Variants in PRR16 observed in about 807,000 individuals in gnomAD.
PRR16 encodes proline rich 16.
PRR16 carries 6 observed loss-of-function variants against 18.2 expected under a neutral mutation model. That is an observed-to-expected ratio of 0.33 (90% CI 0.18 to 0.65). The LOEUF is 0.65. PRR16 is among the 30% of genes least tolerant of loss of function. The pLI is 0.74. For missense variants in PRR16, 412 were observed against 376.6 expected (o/e 1.09, Z -0.78); for synonymous variants, 151 against 147.8 (o/e 1.02, Z -0.16).
At chr5:120,477,097 TA>T (rs1187182875) in intron 1 of PRR16, among the ~76,000 whole-genome samples, 1 of 152,194 alleles carries the variant, frequency 6.6e-6, no homozygotes, top group East Asian at 1.9e-4. Flanking sequence ...ATTCCTCCTC[TA>T]GGATGTCTAA....
chr5:120,526,805 G>T (rs1378600953), intron 1 of PRR16, among the ~76,000 whole-genome samples: 2 of 152,034 alleles, frequency 1.3e-5, no homozygotes, highest in African/African-American at 4.8e-5. Context: ...CACCATGTTG[G>T]CCAGGATGGT....
At chr5:120,590,712 T>A (rs1018837226) in intron 1 of PRR16, among the ~76,000 whole-genome samples, 1 of 152,040 alleles carries the variant, frequency 6.6e-6, no homozygotes, top group Non-Finnish European at 1.5e-5. Context: ...TCTATAATTA[T>A]AAAATGGAGA....
At chr5:120,672,353 A>C (rs2011223) in intron 1 of PRR16, among the ~76,000 whole-genome samples, 2 of 150,828 alleles carry the variant, frequency 1.3e-5, no homozygotes, top group African/African-American at 4.9e-5. Flanking sequence ...CAGGAACTTA[A>C]CATCTTCTAA....
intron 1 of PRR16, among the ~76,000 whole-genome samples, chr5:120,543,433 T>G (rs1751978307): frequency 6.6e-6 from 1 of 152,190 alleles, no homozygotes; most frequent in Non-Finnish European, 1.5e-5. Context: ...CTCATTTTAG[T>G]CACTTAGAAA....
At chr5:120,541,473 T>G (rs567590933) in intron 1 of PRR16, among the ~76,000 whole-genome samples, 18 of 152,236 alleles carry the variant, frequency 1.2e-4, no homozygotes, top group Admixed American at 1.1e-3. Context: ...AGCCTGAATG[T>G]TTTTGCTTCC....
At chr5:120,631,876 C>T (rs1047315663) in intron 1 of PRR16, among the ~76,000 whole-genome samples, 1 of 152,182 alleles carries the variant, frequency 6.6e-6, no homozygotes, top group Non-Finnish European at 1.5e-5. Context: ...CCCCATAGGA[C>T]CTCAGCTGAT....
chr5:120,668,781 C>T (rs1399268059), intron 1 of PRR16, among the ~76,000 whole-genome samples: 2 of 152,082 alleles, frequency 1.3e-5, no homozygotes, highest in Non-Finnish European at 2.9e-5. Context: ...TGAATATTGG[C>T]CCCCACTCTC....
At chr5:120,748,331 G>T in the PRR16 span, among the ~76,000 whole-genome samples, 1 of 152,074 alleles carries the variant, frequency 6.6e-6, no homozygotes, top group African/African-American at 2.4e-5. Context: ...AAACATATTT[G>T]CTTTACTTTT....
chr5:120,568,855 T>C (rs1039625965), intron 1 of PRR16, among the ~76,000 whole-genome samples: 3 of 152,102 alleles, frequency 2.0e-5, no homozygotes, highest in African/African-American at 7.2e-5. Context: ...TGAATTTAGC[T>C]AAATTTAGAA....
intron 1 of PRR16, among the ~76,000 whole-genome samples, chr5:120,474,666 C>G (rs1305264855): frequency 6.6e-6 from 1 of 151,772 alleles, no homozygotes; most frequent in African/African-American, 2.4e-5. Flanking sequence ...ATTCAACCTA[C>G]TTTAAAAATA....
chr5:120,489,736 T>G (rs1326287546), intron 1 of PRR16, among the ~76,000 whole-genome samples: 1 of 152,204 alleles, frequency 6.6e-6, no homozygotes, highest in East Asian at 1.9e-4. Context: ...TGATGCAGTT[T>G]CTTCCTAGCC....
the PRR16 span, among the ~76,000 whole-genome samples, chr5:120,773,897 T>A: frequency 1.3e-5 from 2 of 152,104 alleles, no homozygotes; most frequent in African/African-American, 4.8e-5. Context: ...AAACAGCCTT[T>A]ATATTGAATA....
Position 120,523,251 on chromosome 5 carries a change from A to G in PRR16, c.159+58606A>G, listed in dbSNP as rs184813301. Among the ~76,000 whole-genome samples the G allele has an allele frequency of 2.1e-3, 314 of 152,322 alleles. 2 individuals carry two copies. The highest frequency in any genetic ancestry group is 6.1e-3 in the African/African-American group (252 of 41,570). On this transcript the variant is annotated intron_variant, in intron 1 of 1. Transcript: ENST00000407149. ...TGATCTAATTTTAATAAATAGCTCA[A>G]CACTGGTGTTATGAAAATACTTGAA...
At chr5:120,480,335 T>C (rs1366075869) in intron 1 of PRR16, among the ~76,000 whole-genome samples, 4 of 152,208 alleles carry the variant, frequency 2.6e-5, no homozygotes, top group Admixed American at 2.6e-4. Flanking sequence ...ATTCCAATAC[T>C]CACCAATAAC....
chr5:120,509,880 T>G (rs962697492), intron 1 of PRR16, among the ~76,000 whole-genome samples: 2 of 152,140 alleles, frequency 1.3e-5, no homozygotes, highest in African/African-American at 2.4e-5. Context: ...ATAATGGCCT[T>G]GAAGGTCTTC....
chr5:120,728,325 CTT>C, the PRR16 span, among the ~76,000 whole-genome samples: 2 of 146,410 alleles, frequency 1.4e-5, no homozygotes. Context: ...CAAAAATAAC[CTT>C]TTTTTTTTTT....
At chr5:120,763,908 G>T in the PRR16 span, among the ~76,000 whole-genome samples, 3 of 151,828 alleles carry the variant, frequency 2.0e-5, no homozygotes, top group Non-Finnish European at 4.4e-5. Context: ...TATTGATTTT[G>T]TATCCTGAGA....
At chr5:120,763,893 G>T in the PRR16 span, among the ~76,000 whole-genome samples, 1 of 151,862 alleles carries the variant, frequency 6.6e-6, no homozygotes, top group South Asian at 2.1e-4. Context: ...GCTACTGATT[G>T]TTTATATTGA....
chr5:120,521,490 AT>A (rs1031954722), intron 1 of PRR16, among the ~76,000 whole-genome samples: 12 of 151,572 alleles, frequency 7.9e-5, no homozygotes, highest in East Asian at 5.8e-4. Flanking sequence ...TATGGGGCTC[AT>A]TTTTTTTCTT....
Sources: gnomAD v4.1 joint callset for allele counts (sites outside exome capture counted in the v4.1 genomes callset) on GRCh38, gnomAD v4.1.1 for gene constraint, MANE v1.5 for transcripts, NCBI Gene and HGNC (gene_info 2026-07-23, HGNC 2026-07-21) for gene names.